CELSR1: variants seen among roughly 807,000 people sequenced by gnomAD.
CELSR1 encodes adhesion G protein-coupled receptor C1.
A neutral mutation model predicts 249.1 loss-of-function variants in CELSR1; 110 were observed. That is an observed-to-expected ratio of 0.44 (90% confidence interval 0.38 to 0.52). CELSR1 has a LOEUF of 0.52. Among genes scored for constraint, CELSR1 ranks in the 20% least tolerant of loss-of-function variants. The pLI is 0.00. For synonymous variants in CELSR1, 2,113 were observed against 1,900.0 expected (o/e 1.11, Z -2.92); for missense variants, 4,109 against 4,296.4 (o/e 0.96, Z 1.22).
At chr22:46,521,682 T>C (rs1301145930) in intron 1 of CELSR1, among the ~76,000 whole-genome samples, 1 of 151,472 alleles carries the variant, frequency 6.6e-6, no homozygotes, top group African/African-American at 2.4e-5. Flanking sequence ...CCAGGTGTGG[T>C]GGCACACGCC....
At chr22:46,383,266 T>C (rs1195932063) in intron 20 of CELSR1, among the ~76,000 whole-genome samples, 1 of 152,246 alleles carries the variant, frequency 6.6e-6, no homozygotes, top group Non-Finnish European at 1.5e-5. Context: ...AAAATCCATT[T>C]ACTAACAACA....
chr22:46,366,865 G>T (rs1205723572), intron 29 of CELSR1, 128 bp downstream of exon 29: 7 of 1,326,658 alleles, frequency 5.3e-6, no homozygotes, highest in Non-Finnish European at 7.0e-6. Flanking sequence ...TGCACCGCGG[G>T]CGGCTCTGCC....
chr22:46,447,901 C>G lies in CELSR1; in HGVS notation c.4184-8490G>C, dbSNP rs71311609. On this transcript the variant is annotated intron_variant, in intron 2 of 34. Coordinates refer to ENST00000674500, the MANE Select transcript of CELSR1 (RefSeq NM_001378328.1). This position sits in a 1 kb window ranked among gnomAD's most constrained non-coding sequence, Gnocchi z 4.7. ...TCCCAAAGTGCTGGGATTACAGGTG[C>G]GAGCCACCACACCCGGCCAGAAAAG... is the stretch of plus-strand genomic sequence containing the variant. Among the ~76,000 whole-genome samples the G allele has an allele frequency of 6.6e-6, 1 of 152,070 alleles. No individual in the cohort carries two copies. Among genetic ancestry groups the G allele is most frequent in the Non-Finnish European group, 1.5e-5 (1 of 68,002 alleles).
At position 46,421,604 on chromosome 22, in the gene CELSR1, G is replaced by A. The variant is rs143592839; in HGVS notation, c.4612-9845C>T. On this transcript the variant is annotated intron_variant, in intron 5 of 34. Coordinates refer to ENST00000674500, the MANE Select transcript of CELSR1 (RefSeq NM_001378328.1). Reference sequence around the variant, plus strand: ...CGGGGCAGCCCCCACCTGCCACAGCGCCTGCAAGCAGGGCCCTGCACCACC... The same window carrying A: ...CGGGGCAGCCCCCACCTGCCACAGCACCTGCAAGCAGGGCCCTGCACCACC... 6.4e-3 allele frequency among the ~76,000 whole-genome samples: 981 copies of A among 152,318 alleles called. 11 individuals carry two copies. Among genetic ancestry groups the A allele is most frequent in the African/African-American group, 0.022 (922 of 41,562 alleles).
chr22:46,429,945 C>T lies in CELSR1; in HGVS notation c.4611+3448G>A, dbSNP rs1222403275. On this transcript the variant is annotated intron_variant, in intron 5 of 34. Transcript: ENST00000674500. The surrounding 1 kb of genome is among the most constrained non-coding windows in gnomAD (Gnocchi z 4.1). ...CCCTGCCCAGCCCTTTGTAAATAAC[C>T]CTTCCAGGGCTGGTCCCACTGGAGC... 6.6e-6 allele frequency among the ~76,000 whole-genome samples: 1 copy of T among 152,234 alleles called. No individual in the cohort carries two copies. Among genetic ancestry groups the T allele is most frequent in the African/African-American group, 2.4e-5 (1 of 41,458 alleles).
chr22:46,410,648 C>T lies in CELSR1; in HGVS notation c.4770-87G>A, dbSNP rs2079323886. Reference sequence around the variant, plus strand: ...GGCTCCGCAGTTGCCTCTGTGTAGCCTCTACCACCATAACTACTTCAGAAA... The same window carrying T: ...GGCTCCGCAGTTGCCTCTGTGTAGCTTCTACCACCATAACTACTTCAGAAA... On this transcript the variant is annotated intron_variant, in intron 6 of 34. Coordinates refer to ENST00000674500, the MANE Select transcript of CELSR1 (RefSeq NM_001378328.1). The surrounding 1 kb of genome is among the most constrained non-coding windows in gnomAD (Gnocchi z 6.8). 7.2e-6 allele frequency: 10 copies of T among 1,381,524 alleles called. No homozygotes were observed. The Admixed American group carries it at 1.3e-4, about 18-fold the overall frequency. The allele number at this position is 1,381,524 out of a possible 1,614,324, so 85.6% of individuals were successfully genotyped here.
At position 46,410,583 on chromosome 22, in the gene CELSR1, C is replaced by T; in HGVS notation, c.4770-22G>A. The T allele has an allele frequency of 6.2e-7, 1 of 1,607,886 alleles. No homozygotes were observed. The highest frequency in any genetic ancestry group is 8.5e-7 in the Non-Finnish European group (1 of 1,175,172). ...GGACCTGGGTAGGTAAAGCCATCTT[C>T]TGTGACGTCAGGGCGGGGAGAGGCG... On this transcript the variant is annotated intron_variant, in intron 6 of 34. Transcript: ENST00000674500. This position sits in a 1 kb window ranked among gnomAD's most constrained non-coding sequence, Gnocchi z 6.8.
chr22:46,366,516 G>A, intron 29 of CELSR1, 36 bp from the exon 30 acceptor site: 2 of 1,484,084 alleles, frequency 1.3e-6, no homozygotes, highest in South Asian at 1.2e-5. Context: ...CTGCCAAGTG[G>A]TGGCCACCAC....
At chr22:46,505,209 C>T (rs1228983219) in intron 1 of CELSR1, among the ~76,000 whole-genome samples, 4 of 127,098 alleles carry the variant, frequency 3.1e-5, no homozygotes, top group South Asian at 2.5e-4. Flanking sequence ...TTGCAATGAG[C>T]CGAGATGGCG....
rs1229511929 is a variant in CELSR1, at chr22:46,518,830, C to G, written c.3544+14797G>C. Among the ~76,000 whole-genome samples, 1 of 152,088 alleles carries G rather than the reference C, an allele frequency of 6.6e-6. No homozygotes were observed. The highest frequency in any genetic ancestry group is 1.5e-5 in the Non-Finnish European group (1 of 68,026). On this transcript the variant is annotated intron_variant, in intron 1 of 34. Coordinates refer to ENST00000674500, the MANE Select transcript of CELSR1 (RefSeq NM_001378328.1). The surrounding 1 kb of genome is among the most constrained non-coding windows in gnomAD (Gnocchi z 5.2). ...GGTGGATCACTTGAGGTCAGGAGTT[C>G]GAGACCAGCCTGGCAAACCTGGAGA...
rs139283770 is a variant in CELSR1 at position 46,383,731 on chromosome 22, A to G, written c.6883+812T>C. Among the ~76,000 whole-genome samples, 10 of 152,094 alleles carry G rather than the reference A, an allele frequency of 6.6e-5. No homozygotes were observed. The East Asian group carries it at 1.2e-3, about 18-fold the overall frequency. ...TCTTTAGTAGAGATGGAGTTTCTCT[A>G]TGTTGCCCAGGTTGGTTCTGAATTT... is the stretch of plus-strand genomic sequence containing the variant. On this transcript the variant is annotated intron_variant, in intron 20 of 34. Transcript: ENST00000674500.
chr22:46,489,008 G>C (rs2080342858), intron 1 of CELSR1, among the ~76,000 whole-genome samples: 1 of 152,048 alleles, frequency 6.6e-6, no homozygotes, highest in Non-Finnish European at 1.5e-5. Flanking sequence ...GTGGCAGTAA[G>C]GGACATGTCA....
rs775597212 is a variant in CELSR1 at position 46,399,882 on chromosome 22, C to G, written c.5247G>C (p.Gln1749His). 16 of 1,614,006 alleles carry G rather than the reference C, an allele frequency of 9.9e-6. No homozygotes were observed. The highest frequency in any genetic ancestry group is 1.3e-5 in the African/African-American group (1 of 74,942). Residue 1749 changes from glutamine to histidine, a missense_variant, in exon 10 of 35, where the codon CAG becomes CAC. Gln to His is a conservative substitution (Grantham distance 24). Around this residue, in one of 7 missense-constraint regions of CELSR1, gnomAD observed 1,805 missense variants for 1,831.6 expected, o/e 0.99. Transcript: ENST00000674500. This position sits in a 1 kb window ranked among gnomAD's most constrained non-coding sequence, Gnocchi z 5.0. ...CGGAGGGGCCGTGGGACACCTCAAA[C>G]TGGAGGTAGTTGTTCAGGATCTGGA... ...FRLQILNNYL[Q>H]FEVSHGPSDV...
In CELSR1 at chr22:46,395,796, A is replaced by G. The variant is rs1001957071; in HGVS notation, c.5843+809T>C. 6.6e-6 allele frequency among the ~76,000 whole-genome samples: 1 copy of G among 152,194 alleles called. No homozygotes were observed. The highest frequency in any genetic ancestry group is 1.5e-5 in the Non-Finnish European group (1 of 68,026). On this transcript the variant is annotated intron_variant, in intron 13 of 34. Coordinates refer to ENST00000674500, the MANE Select transcript of CELSR1 (RefSeq NM_001378328.1). The surrounding 1 kb of genome is among the most constrained non-coding windows in gnomAD (Gnocchi z 5.5). ...TGGAACCTTGGTTTATGAAGAACCC[A>G]GCAGCTCCACCTTGGACAAAGTGAC... is the stretch of plus-strand genomic sequence containing the variant.
intron 1 of CELSR1, among the ~76,000 whole-genome samples, chr22:46,507,108 CCAGGGAGGCGGAGGTTGCAG>C (rs1475266516): frequency 6.6e-6 from 1 of 152,158 alleles, no homozygotes; most frequent in Non-Finnish European, 1.5e-5. Flanking sequence ...ATCGCTTGAA[CCAGGGAGGCGGAGGTTGCAG>C]TGAGCTGAGA....
chr22:46,451,193 C>T (rs3827408), intron 2 of CELSR1, among the ~76,000 whole-genome samples: 2 of 152,122 alleles, frequency 1.3e-5, no homozygotes, highest in East Asian at 1.9e-4. Context: ...CACCTACAGG[C>T]GGCCCAGCCC....
chr22:46,536,813 G>A lies in CELSR1; in HGVS notation c.358C>T (p.Leu120Phe). The A allele has an allele frequency of 8.3e-7, 1 of 1,204,062 alleles. No homozygotes were observed. The highest frequency in any genetic ancestry group is 1.0e-6 in the Non-Finnish European group (1 of 971,680). The allele number at this position is 1,204,062 out of a possible 1,614,324, so 74.6% of individuals were successfully genotyped here. Residue 120 changes from leucine to phenylalanine, a missense_variant, in exon 1 of 35, where the codon CTC becomes TTC. This residue lies in a region of CELSR1 where 673 missense variants were observed against 636.8 expected (regional missense o/e 1.06). Coordinates refer to ENST00000674500, the MANE Select transcript of CELSR1 (RefSeq NM_001378328.1). ...CAGAGCCGGGCACCGGTTCCGCAGA[G>A]CCGGGCACGGGCTCCGCAGCCGGGA... ...HLPGCGARARLCGTGARLCGA... is the reference protein window; with the variant it reads ...HLPGCGARARFCGTGARLCGA...
At chr22:46,438,049 T>C (rs1260986957) in intron 3 of CELSR1, among the ~76,000 whole-genome samples, 3 of 152,026 alleles carry the variant, frequency 2.0e-5, no homozygotes, top group African/African-American at 7.3e-5. Context: ...CAAACAGTCC[T>C]GCACGGCCCC....
chr22:46,388,161 C>T (rs961246078), intron 18 of CELSR1, among the ~76,000 whole-genome samples: 1 of 152,130 alleles, frequency 6.6e-6, no homozygotes, highest in African/African-American at 2.4e-5. Context: ...CCAGCCTGGC[C>T]AACATGGTGA....
Sources: gnomAD v4.1 joint callset for allele counts (sites outside exome capture counted in the v4.1 genomes callset) on GRCh38, gnomAD v4.1.1 for gene constraint, gnomAD v4.1.1 regional missense constraint, Gnocchi (gnomAD v3.1) non-coding constraint, MANE v1.5 for transcripts, NCBI Gene and HGNC (gene_info 2026-07-23, HGNC 2026-07-21) for gene names.